Variants in SLC45A4 observed in about 807,000 individuals in gnomAD.
The protein encoded by SLC45A4 is polyamine-transporter SLC45A4.
A neutral mutation model predicts 63.7 loss-of-function variants in SLC45A4; 32 were observed. That is an observed-to-expected ratio of 0.50 (90% confidence interval 0.38 to 0.67). The LOEUF is 0.67. SLC45A4 is among the 30% of genes least tolerant of loss of function. The pLI is 0.00. For synonymous variants in SLC45A4, 535 were observed against 510.0 expected (o/e 1.05, Z -0.66); for missense variants, 1,027 against 1,157.7 (o/e 0.89, Z 1.64).
chr8:141,216,966 G>A, intron 6 of SLC45A4, 124 bp downstream of exon 6: 1 of 944,232 alleles, frequency 1.1e-6, no homozygotes, highest in East Asian at 2.6e-5. Context: ...GCCCTGTTTT[G>A]AGGGACCCAG....
chr8:141,215,728 A>G lies in SLC45A4; in HGVS notation c.1941+31T>C. ...GGAGGGAAGGCACTCAGGAGGCTGGAGCGCAGATCTCAGGGCTACGGTGGA... is the reference window on the plus strand; with the variant it reads ...GGAGGGAAGGCACTCAGGAGGCTGGGGCGCAGATCTCAGGGCTACGGTGGA... On this transcript the variant is annotated intron_variant, in intron 7 of 8. Transcript: ENST00000517878. The surrounding 1 kb of genome is among the most constrained non-coding windows in gnomAD (Gnocchi z 4.3). The G allele has an allele frequency of 6.2e-7, 1 of 1,606,572 alleles. No individual in the cohort carries two copies. Among genetic ancestry groups the G allele is most frequent in the Middle Eastern group, 1.7e-4 (1 of 5,978 alleles).
intron 2 of SLC45A4, among the ~76,000 whole-genome samples, chr8:141,236,901 A>G (rs1345693392): frequency 6.6e-6 from 1 of 152,152 alleles, no homozygotes; most frequent in Non-Finnish European, 1.5e-5. Context: ...CACATGGCCC[A>G]CAGATCAACA....
intron 7 of SLC45A4, among the ~76,000 whole-genome samples, chr8:141,214,923 C>T (rs1167310356): frequency 6.6e-6 from 1 of 152,234 alleles, no homozygotes; most frequent in Non-Finnish European, 1.5e-5. Context: ...TCCAAGGAGA[C>T]TGTCAGCCAA....
At chr8:141,264,969 A>G (rs1829199111) in intron 1 of SLC45A4, among the ~76,000 whole-genome samples, 1 of 152,314 alleles carries the variant, frequency 6.6e-6, no homozygotes, top group South Asian at 2.1e-4. Flanking sequence ...GTTCCTTCCC[A>G]TCTAATTAAG....
In SLC45A4 at chr8:141,211,655, G is replaced by A; in HGVS notation, c.2344C>T (p.Leu782=). ...ATACTCTCCAACAGCTGCGGCACCA[G>A]CCAATGTGACGAGATCTGACAGACG... The part of the protein sequence containing the change: ...IDVCQISSHW[L]VPQLLESIFL... Residue 782 remains leucine (L), a synonymous_variant, in exon 9 of 9, where the codon CTG becomes TTG. Transcript: ENST00000517878. 1.2e-6 allele frequency: 2 copies of A among 1,608,554 alleles called. No homozygotes were observed. Among genetic ancestry groups the A allele is most frequent in the East Asian group, 4.5e-5 (2 of 44,806 alleles).
At chr8:141,216,955 G>C (rs1385842477) in intron 6 of SLC45A4, 135 bp downstream of exon 6, 1 of 789,366 alleles carries the variant, frequency 1.3e-6, no homozygotes, top group Non-Finnish European at 2.0e-6. Context: ...CCCAAGGGGT[G>C]GCCCTGTTTT....
intron 1 of SLC45A4, among the ~76,000 whole-genome samples, chr8:141,301,948 G>T (rs1164012417): frequency 2.0e-5 from 3 of 151,456 alleles, no homozygotes; most frequent in Non-Finnish European, 4.4e-5. Context: ...GGTGACAGAG[G>T]GAAACACTGT....
chr8:141,261,148 A>C (rs1829025497), intron 1 of SLC45A4, among the ~76,000 whole-genome samples: 1 of 152,248 alleles, frequency 6.6e-6, no homozygotes, highest in Admixed American at 6.5e-5. Flanking sequence ...CAATAGACGC[A>C]GAAAAGGCCT....
In SLC45A4 at chr8:141,218,406, T is replaced by G; in HGVS notation, c.1234A>C (p.Met412Leu). The change falls in exon 5 of 9, where the codon ATG (methionine) becomes CTG (leucine). Residue 412 changes from methionine (M) to leucine (L), a missense_variant. By Grantham distance (15) the Met-to-Leu change is conservative. Transcript: ENST00000517878. Reference sequence around the variant, plus strand: ...CGGAACGCGTGCCGCCGCCGCCGCATGGAGCTCGACGTGGCCGAGGGCTTC... The same window carrying G: ...CGGAACGCGTGCCGCCGCCGCCGCAGGGAGCTCGACGTGGCCGAGGGCTTC... ...DTKPSATSSS[M>L]RRRRHAFRRQ... 6.2e-7 allele frequency: 1 copy of G among 1,610,394 alleles called. No individual in the cohort carries two copies. Among genetic ancestry groups the G allele is most frequent in the South Asian group, 1.1e-5 (1 of 91,082 alleles).
At chr8:141,281,114 G>A (rs1156629735) in intron 1 of SLC45A4, among the ~76,000 whole-genome samples, 1 of 152,192 alleles carries the variant, frequency 6.6e-6, no homozygotes, top group African/African-American at 2.4e-5. Flanking sequence ...TGAGGCGGGT[G>A]GATCACCTGA....
At chr8:141,240,984 T>A (rs1447677945) in intron 2 of SLC45A4, among the ~76,000 whole-genome samples, 1 of 152,202 alleles carries the variant, frequency 6.6e-6, no homozygotes, top group East Asian at 1.9e-4. Flanking sequence ...GGGTCTTGAC[T>A]AACATCGGGG....
intron 3 of SLC45A4, among the ~76,000 whole-genome samples, 191 bp downstream of exon 3, chr8:141,221,386 G>A (rs576812587): frequency 4.6e-5 from 7 of 152,348 alleles, no homozygotes; most frequent in African/African-American, 1.4e-4. Context: ...AGGTTCCTCC[G>A]GCTTTCCCAC....
chr8:141,241,012 G>A (rs1438382390), intron 2 of SLC45A4, among the ~76,000 whole-genome samples: 6 of 152,220 alleles, frequency 3.9e-5, no homozygotes, highest in Admixed American at 2.0e-4. Context: ...ACACCCTCCC[G>A]CTCTCCCCGC....
At chr8:141,264,555 T>A (rs1865247) in intron 1 of SLC45A4, among the ~76,000 whole-genome samples, 41,922 of 152,066 alleles carry the variant, frequency 0.28, 6,093 homozygotes, top group East Asian at 0.39. Context: ...GAACTTTTGA[T>A]TCGCTCTGGG....
rs776385604 is a variant in SLC45A4 at position 141,254,008 on chromosome 8, T to C, written c.222A>G (p.Thr74=). Residue 74 remains threonine, a synonymous_variant, in exon 2 of 9, where the codon ACA becomes ACG. Coordinates refer to ENST00000517878, the MANE Select transcript of SLC45A4 (RefSeq NM_001286646.2). The surrounding 1 kb of genome is among the most constrained non-coding windows in gnomAD (Gnocchi z 4.5). The part of the protein sequence containing the change: ...FCYAMETALV[T]PILLQIGLPE... ...ACTTACCAATCTGCAACAGTATTGG[T>C]GTGACCAGAGCGGTTTCCATGGCGT... is the stretch of plus-strand genomic sequence containing the variant. 1.3e-6 allele frequency: 2 copies of C among 1,536,160 alleles called. No individual in the cohort carries two copies. Among genetic ancestry groups the C allele is most frequent in the South Asian group, 1.2e-5 (1 of 84,060 alleles).
At chr8:141,296,878 G>A (rs1405531073) in intron 1 of SLC45A4, among the ~76,000 whole-genome samples, 2 of 144,568 alleles carry the variant, frequency 1.4e-5, no homozygotes, top group Admixed American at 1.4e-4. Context: ...AGACCCTCAC[G>A]CCCTTTATCA....
At chr8:141,214,636 C>A (rs1232036329) in intron 7 of SLC45A4, among the ~76,000 whole-genome samples, 3 of 152,296 alleles carry the variant, frequency 2.0e-5, no homozygotes, top group Admixed American at 6.5e-5. Context: ...CCAAGACAAT[C>A]TTGAAGAAGA....
chr8:141,258,768 A>G (rs1365767643), intron 1 of SLC45A4, among the ~76,000 whole-genome samples: 3 of 152,054 alleles, frequency 2.0e-5, no homozygotes, highest in Non-Finnish European at 4.4e-5. Flanking sequence ...GTATGTGCCT[A>G]TAGTCCCATC....
At chr8:141,212,142 G>GCCCGCCCGCCCA in intron 8 of SLC45A4, 55 bp downstream of exon 8, 1 of 491,698 alleles carries the variant, frequency 2.0e-6, no homozygotes, top group Non-Finnish European at 2.4e-6. Flanking sequence ...CCCGCCGCCC[G>GCCCGCCCGCCCA]CCCGCCCGCC....
Sources: gnomAD v4.1 joint callset for allele counts (sites outside exome capture counted in the v4.1 genomes callset) on GRCh38, gnomAD v4.1.1 for gene constraint, Gnocchi (gnomAD v3.1) non-coding constraint, MANE v1.5 for transcripts, NCBI Gene and HGNC (gene_info 2026-07-23, HGNC 2026-07-21) for gene names.